Variants in TUBA1C observed in about 807,000 individuals in gnomAD.
TUBA1C encodes the protein tubulin alpha 1c.
Under a neutral mutation model 34.9 loss-of-function variants are expected in TUBA1C, and 16 were observed. The observed-to-expected ratio is 0.46, with a 90% CI of 0.31 to 0.70. The LOEUF (loss-of-function observed/expected upper bound fraction) is 0.70, where lower values mean the gene tolerates loss of function less well. Among genes scored for constraint, TUBA1C ranks in the 30% least tolerant of loss-of-function variants. The pLI is 0.05. For missense variants in TUBA1C, 329 were observed against 587.3 expected (o/e 0.56, Z 4.55); for synonymous variants, 177 against 215.9 (o/e 0.82, Z 1.58).
intron 1 of TUBA1C, among the ~76,000 whole-genome samples, chr12:49,253,086 TA>T (rs896502071): frequency 7.4e-3 from 704 of 95,578 alleles, no homozygotes; most frequent in African/African-American, 0.012. Flanking sequence ...GACCCTATCT[TA>T]AAAAAAAAAA....
intron 1 of TUBA1C, among the ~76,000 whole-genome samples, chr12:49,236,184 T>C (rs183954953): frequency 2.6e-5 from 4 of 152,374 alleles, no homozygotes; most frequent in African/African-American, 9.6e-5. Context: ...AAGATTTTTC[T>C]ATTTAGAAGA....
intron 1 of TUBA1C, among the ~76,000 whole-genome samples, chr12:49,237,359 G>T (rs1241276888): frequency 6.6e-6 from 1 of 151,818 alleles, no homozygotes; most frequent in East Asian, 1.9e-4. Context: ...CGGAGGTTGC[G>T]GTGAGCCGAG....
intron 1 of TUBA1C, among the ~76,000 whole-genome samples, chr12:49,235,040 A>AT (rs1592272417): frequency 1.3e-5 from 2 of 150,546 alleles, no homozygotes; most frequent in East Asian, 4.0e-4. Context: ...CTGGTCTCGA[A>AT]TTCCTGTCCT....
At chr12:49,257,082 C>T (rs867156811) in intron 1 of TUBA1C, among the ~76,000 whole-genome samples, 34 of 148,252 alleles carry the variant, frequency 2.3e-4, no homozygotes, top group African/African-American at 6.5e-4. Flanking sequence ...TGGGAGTCTG[C>T]GGCAAGAGAA....
intron 1 of TUBA1C, among the ~76,000 whole-genome samples, chr12:49,230,689 T>C (rs976031862): frequency 6.6e-6 from 1 of 152,194 alleles, no homozygotes; most frequent in Non-Finnish European, 1.5e-5. Flanking sequence ...TTATTTGAGC[T>C]CGTTTGCTCT....
At position 49,274,041 on chromosome 12, in the gene TUBA1C, G is replaced by A. The variant is rs1943030533; in HGVS notation, c.*814G>A. 6.6e-6 allele frequency: 1 copy of A among 152,418 alleles called. No homozygotes were observed. Among genetic ancestry groups the A allele is most frequent in the African/African-American group, 2.4e-5 (1 of 41,446 alleles). 9.4% of individuals were successfully genotyped at this position (152,418 alleles called of 1,614,324 possible). A position where few individuals can be genotyped will look rare whatever the true frequency, so the allele number is the denominator to read the frequency against. ...TGCACCACTGCATTCCAGCCTGGGT[G>A]ACGGAGACCCCTGACTCTCAAATTT... On this transcript the variant is annotated 3_prime_UTR_variant, in exon 4 of 4. Coordinates refer to ENST00000301072, the MANE Select transcript of TUBA1C (RefSeq NM_032704.5).
chr12:49,247,121 T>C (rs1446526496), intron 1 of TUBA1C, among the ~76,000 whole-genome samples: 1 of 136,934 alleles, frequency 7.3e-6, no homozygotes, highest in African/African-American at 2.8e-5. Context: ...CCCTAGGCGA[T>C]AGAGCAAGAC....
At position 49,272,120 on chromosome 12, in the gene TUBA1C, G is replaced by A. The variant is rs1367988432; in HGVS notation, c.376-133G>A. On this transcript the variant is annotated intron_variant, in intron 3 of 3. Transcript: ENST00000301072. The stretch of plus-strand genomic sequence containing the variant: ...GTTGATTACAGGCGTGAGCCACTGC[G>A]CCTGGCCCAGAAGAGTTTTAAAATT... The A allele has an allele frequency of 1.9e-5, 27 of 1,457,698 alleles. 1 individual carries two copies. The highest frequency in any genetic ancestry group is 1.2e-4 in the South Asian group (8 of 68,108). 90.3% of individuals were successfully genotyped at this position (1,457,698 alleles called of 1,614,324 possible).
Position 49,248,867 on chromosome 12 carries a change from CAAAAAAA to C in TUBA1C, c.214-20582_214-20576del, listed in dbSNP as rs201685193. Among the ~76,000 whole-genome samples, 5 of 60,816 alleles carry C rather than the reference CAAAAAAA, an allele frequency of 8.2e-5. No individual in the cohort carries two copies. In the South Asian group the frequency reaches 2.7e-3, roughly 32 times the overall value. 39.9% of individuals were successfully genotyped at this position (60,816 alleles called of 152,430 possible). A position where few individuals can be genotyped will look rare whatever the true frequency, so the allele number is the denominator to read the frequency against. ...TGGGTGACAGAGCGAGACTCCCTCT[CAAAAAAA>C]AAAAAAAAAAAAAAAGTTAGAAATC... On this transcript the variant is annotated intron_variant, in intron 1 of 3. Coordinates refer to the TUBA1C transcript ENST00000541364.
At chr12:49,260,209 A>T (rs1425682059), upstream of TUBA1C, among the ~76,000 whole-genome samples, 1 of 152,204 alleles carries the variant, frequency 6.6e-6, no homozygotes, top group African/African-American at 2.4e-5. Context: ...GAAGGGGGCA[A>T]GGGAATGGTA....
chr12:49,255,409 T>TAA (rs1942773653), intron 1 of TUBA1C, among the ~76,000 whole-genome samples: 1 of 141,576 alleles, frequency 7.1e-6, no homozygotes, highest in African/African-American at 2.6e-5. Flanking sequence ...TTAAAAAATA[T>TAA]ATATATATAT....
rs1943019619 is a variant in TUBA1C, at chr12:49,273,236, C to CTGTA, written c.*10_*13dup. 6.2e-7 allele frequency: 1 copy of CTGTA among 1,614,068 alleles called. No homozygotes were observed. Among genetic ancestry groups the CTGTA allele is most frequent in the Non-Finnish European group, 8.5e-7 (1 of 1,180,042 alleles). On this transcript the variant is annotated 3_prime_UTR_variant, in exon 4 of 4. Coordinates refer to ENST00000301072, the MANE Select transcript of TUBA1C (RefSeq NM_032704.5). The stretch of plus-strand genomic sequence containing the variant: ...AGGGTGAAGAGTATTAACCTGTGTG[C>CTGTA]TGTACTTTTACACTCCTTTGTCTTG...
upstream of TUBA1C, among the ~76,000 whole-genome samples, chr12:49,261,365 AAAT>A (rs1248011366): frequency 6.6e-6 from 1 of 152,244 alleles, no homozygotes; most frequent in Non-Finnish European, 1.5e-5. Context: ...CAAATTCAAT[AAAT>A]GACTTTTCTA....
At chr12:49,236,017 G>T (rs1942551644) in intron 1 of TUBA1C, among the ~76,000 whole-genome samples, 1 of 152,222 alleles carries the variant, frequency 6.6e-6, no homozygotes, top group African/African-American at 2.4e-5. Flanking sequence ...TTCTGATTTT[G>T]CTGAATGGGA....
chr12:49,270,234 G>A (rs1418299037), intron 3 of TUBA1C: 1 of 639,128 alleles, frequency 1.6e-6, no homozygotes, highest in African/African-American at 1.8e-5. Flanking sequence ...GTCATACTGA[G>A]TGAGTAGGTA....
At position 49,272,511 on chromosome 12, in the gene TUBA1C, A is replaced by C. The variant is rs376776166; in HGVS notation, c.634A>C (p.Ile212Leu). Residue 212 changes from isoleucine (I) to leucine (L), a missense_variant, in exon 4 of 4, where the codon ATC (isoleucine) becomes CTC (leucine). Transcript: ENST00000301072. ...GGTAGACAATGAGGCCATCTATGACATCTGTCGTAGAAACCTCGATATCGA... is the reference window on the plus strand; with the variant it reads ...GGTAGACAATGAGGCCATCTATGACCTCTGTCGTAGAAACCTCGATATCGA... The part of the protein sequence containing the change: ...FMVDNEAIYD[I>L]CRRNLDIERP... 312 of 1,609,574 alleles carry C rather than the reference A, an allele frequency of 1.9e-4. No individual in the cohort carries two copies. Among genetic ancestry groups the C allele is most frequent in the Admixed American group, 7.2e-4 (43 of 59,890 alleles).
rs561834484 is a variant in TUBA1C at position 49,234,522 on chromosome 12, A to AGGGCCT, written c.213+6367_213+6372dup. 1.3e-3 allele frequency among the ~76,000 whole-genome samples: 200 copies of AGGGCCT among 152,312 alleles called. 1 individual carries two copies. The highest frequency in any genetic ancestry group is 4.3e-3 in the African/African-American group (179 of 41,584). On this transcript the variant is annotated intron_variant, in intron 1 of 3. Transcript: ENST00000541364. ...GGTTAGTACGGTGACGTGCAGCGCC[A>AGGGCCT]GGGCCTGGGCCTGGGCTCGGGCTCC...
At chr12:49,272,121 C>A in intron 3 of TUBA1C, 132 bp from the exon 4 acceptor site, 1 of 1,463,686 alleles carries the variant, frequency 6.8e-7, no homozygotes, top group Non-Finnish European at 9.1e-7. Flanking sequence ...AGCCACTGCG[C>A]CTGGCCCAGA....
intron 1 of TUBA1C, among the ~76,000 whole-genome samples, chr12:49,247,017 G>A (rs1592277036): frequency 6.7e-6 from 1 of 150,140 alleles, no homozygotes; most frequent in African/African-American, 2.5e-5. Context: ...GCAGGTACCT[G>A]TAATCTCAGC....
Sources: allele counts gnomAD v4.1 joint callset (sites outside exome capture counted in the v4.1 genomes callset), GRCh38; gene constraint gnomAD v4.1.1; transcripts MANE v1.5; gene names NCBI Gene and HGNC (gene_info 2026-07-23, HGNC 2026-07-21).